The following PARD3B variants were observed in gnomAD, a reference collection of about 807,000 sequenced individuals.
The protein encoded by PARD3B is par-3 family cell polarity regulator beta.
Under a neutral mutation model 130.2 loss-of-function variants are expected in PARD3B, and 103 were observed. That is an observed-to-expected ratio of 0.79 (90% CI 0.67 to 0.93). PARD3B has a LOEUF of 0.93. Among genes scored for constraint, PARD3B ranks in the 40% least tolerant of loss-of-function variants. The pLI is 0.00. For synonymous variants in PARD3B, 583 were observed against 553.2 expected, an observed-to-expected ratio of 1.05 and a Z score of -0.76; for missense variants, 1,609 against 1,499.2, an observed-to-expected ratio of 1.07 and a Z score of -1.21.
chr2:204,772,446 G>C (rs1039700467), intron 2 of PARD3B, among the ~76,000 whole-genome samples: 3 of 152,036 alleles, frequency 2.0e-5, no homozygotes, highest in Admixed American at 1.3e-4. Flanking sequence ...TTAGGATCCT[G>C]AACTGTAATT....
intron 16 of PARD3B, among the ~76,000 whole-genome samples, chr2:205,294,626 A>T (rs2041724016): frequency 6.6e-6 from 1 of 152,220 alleles, no homozygotes. Context: ...ACTTTAAAAT[A>T]AAGTATTTGG....
At chr2:204,797,954 A>G (rs575369706) in intron 2 of PARD3B, among the ~76,000 whole-genome samples, 20 of 152,340 alleles carry the variant, frequency 1.3e-4, no homozygotes, top group Non-Finnish European at 4.4e-5. Flanking sequence ...ATATAGTCAC[A>G]TGAAAGGATA....
At position 204,890,216 on chromosome 2, in the gene PARD3B, C is replaced by T. The variant is rs2046397336; in HGVS notation, c.223-74936C>T. Among the ~76,000 whole-genome samples the T allele has an allele frequency of 6.6e-6, 1 of 152,072 alleles. No individual in the cohort carries two copies. Among genetic ancestry groups the T allele is most frequent in the Non-Finnish European group, 1.5e-5 (1 of 68,022 alleles). ...GGCACAGTGTCAATGCTGTGGTGGC[C>T]CTAGTGTGTACAGGAAGGTATGCTT... is the stretch of plus-strand genomic sequence containing the variant. On this transcript the variant is annotated intron_variant, in intron 2 of 22. Transcript: ENST00000406610. This position sits in a 1 kb window ranked among gnomAD's most constrained non-coding sequence, Gnocchi z 4.9.
chr2:205,569,383 A>C (rs565475622), intron 22 of PARD3B, among the ~76,000 whole-genome samples: 1 of 152,342 alleles, frequency 6.6e-6, no homozygotes, highest in South Asian at 2.1e-4. Context: ...CTTTTGCCTT[A>C]TAATTTTTTG....
In PARD3B at chr2:205,542,144, C is replaced by CAAAAA. The variant is rs71032484; in HGVS notation, c.3181-11155_3181-11151dup. Among the ~76,000 whole-genome samples, 108 of 38,064 alleles carry CAAAAA rather than the reference C, an allele frequency of 2.8e-3. 7 individuals are homozygous for CAAAAA. Among genetic ancestry groups the CAAAAA allele is most frequent in the East Asian group, 0.011 (11 of 1,010 alleles). 25.0% of individuals were successfully genotyped at this position (38,064 alleles called of 152,430 possible). A position where few individuals can be genotyped will look rare whatever the true frequency, so the allele number is the denominator to read the frequency against. On this transcript the variant is annotated intron_variant, in intron 21 of 22. Transcript: ENST00000406610. ...GGCAACAAGAGTGAAACTCCGTCTC[C>CAAAAA]AAAAAAAAAAAAAAAAAAAAAAAAA... is the stretch of plus-strand genomic sequence containing the variant.
At chr2:205,233,669 A>G (rs1396352505) in intron 15 of PARD3B, among the ~76,000 whole-genome samples, 3 of 152,134 alleles carry the variant, frequency 2.0e-5, no homozygotes, top group Non-Finnish European at 4.4e-5. Flanking sequence ...TGAAAATAGT[A>G]TAAGTAAAAA....
At chr2:204,919,779 T>C (rs2047594431) in intron 2 of PARD3B, among the ~76,000 whole-genome samples, 1 of 152,198 alleles carries the variant, frequency 6.6e-6, no homozygotes, top group African/African-American at 2.4e-5. Flanking sequence ...TTATCACCCA[T>C]TCTTGTTTAA....
intron 3 of PARD3B, among the ~76,000 whole-genome samples, chr2:204,972,347 A>C (rs1460289535): frequency 6.6e-6 from 1 of 152,148 alleles, no homozygotes; most frequent in African/African-American, 2.4e-5. Flanking sequence ...TAAATGAGAT[A>C]TTACTTATTA....
At chr2:204,807,828 C>G (rs998341916) in intron 2 of PARD3B, among the ~76,000 whole-genome samples, 16 of 150,940 alleles carry the variant, frequency 1.1e-4, no homozygotes, top group Non-Finnish European at 2.9e-5. Flanking sequence ...TGATGGCTAC[C>G]AGTGGTTGGG....
At position 205,091,301 on chromosome 2, in the gene PARD3B, C is replaced by T. The variant is rs1454937522; in HGVS notation, c.505-13125C>T. ...CAAAGGCCCAGAGCTTGTAATAATTCATAATTTTGCCGTGGCACAAACTGC... is the reference window on the plus strand; with the variant it reads ...CAAAGGCCCAGAGCTTGTAATAATTTATAATTTTGCCGTGGCACAAACTGC... On this transcript the variant is annotated intron_variant, in intron 4 of 22. Coordinates refer to ENST00000406610, the MANE Select transcript of PARD3B (RefSeq NM_001302769.2). The surrounding 1 kb of genome is among the most constrained non-coding windows in gnomAD (Gnocchi z 4.2). Among the ~76,000 whole-genome samples the T allele has an allele frequency of 6.6e-6, 1 of 152,158 alleles. No homozygotes were observed. Among genetic ancestry groups the T allele is most frequent in the Non-Finnish European group, 1.5e-5 (1 of 68,020 alleles).
intron 20 of PARD3B, among the ~76,000 whole-genome samples, chr2:205,474,768 A>G (rs1355751191): frequency 6.6e-6 from 1 of 152,192 alleles, no homozygotes; most frequent in Non-Finnish European, 1.5e-5. Flanking sequence ...TGCAGAAAAT[A>G]GCTAATTTCA....
At chr2:204,848,483 T>A (rs1013582813) in intron 2 of PARD3B, among the ~76,000 whole-genome samples, 14 of 151,252 alleles carry the variant, frequency 9.3e-5, no homozygotes, top group Non-Finnish European at 1.5e-4. Flanking sequence ...AAAATAAAAA[T>A]AAAAAAAAAT....
At chr2:204,978,610 G>A (rs1353334908) in intron 3 of PARD3B, among the ~76,000 whole-genome samples, 2 of 152,246 alleles carry the variant, frequency 1.3e-5, no homozygotes, top group South Asian at 2.1e-4. Context: ...CTTTCAGCTT[G>A]CAAAAGTGGA....
chr2:205,119,906 T>A (rs936481923), intron 7 of PARD3B, among the ~76,000 whole-genome samples: 1 of 152,196 alleles, frequency 6.6e-6, no homozygotes, highest in Non-Finnish European at 1.5e-5. Context: ...CATATTTTTT[T>A]AATGTGTGTT....
chr2:204,971,503 A>T (rs760102480), intron 3 of PARD3B, among the ~76,000 whole-genome samples: 9 of 152,220 alleles, frequency 5.9e-5, no homozygotes, highest in Non-Finnish European at 1.3e-4. Flanking sequence ...TTCATAAGTT[A>T]CAATTTGGTC....
chr2:204,766,991 A>ATTTTTTTTT (rs141505640), intron 2 of PARD3B, among the ~76,000 whole-genome samples: 2 of 98,676 alleles, frequency 2.0e-5, no homozygotes, highest in African/African-American at 7.4e-5. Flanking sequence ...CACATTTTTT[A>ATTTTTTTTT]TTTTATTTTT....
intron 1 of PARD3B, among the ~76,000 whole-genome samples, chr2:204,586,035 G>A (rs1202778951): frequency 2.6e-5 from 4 of 152,202 alleles, no homozygotes; most frequent in Non-Finnish European, 5.9e-5. Flanking sequence ...GATGGGCCAA[G>A]TGCTTTGCAC....
intron 18 of PARD3B, among the ~76,000 whole-genome samples, chr2:205,329,072 C>G (rs1208575590): frequency 6.6e-6 from 1 of 152,198 alleles, no homozygotes; most frequent in Non-Finnish European, 1.5e-5. Flanking sequence ...TGCTCCTTCT[C>G]TGGCATGCCA....
At chr2:204,939,303 A>G (rs966114296) in intron 2 of PARD3B, among the ~76,000 whole-genome samples, 2 of 152,196 alleles carry the variant, frequency 1.3e-5, no homozygotes, top group East Asian at 1.9e-4. Flanking sequence ...AATACCTCAC[A>G]TAAAAGATAT....
Sources: gnomAD v4.1 joint callset for allele counts (sites outside exome capture counted in the v4.1 genomes callset) on GRCh38, gnomAD v4.1.1 for gene constraint, Gnocchi (gnomAD v3.1) non-coding constraint, MANE v1.5 for transcripts, NCBI Gene and HGNC (gene_info 2026-07-23, HGNC 2026-07-21) for gene names.